The following TTN variants were observed in gnomAD, a reference collection of about 807,000 sequenced individuals.
TTN encodes titin, also known as connectin.
A neutral mutation model predicts 3,223.0 loss-of-function variants in TTN; 1,525 were observed. That is an observed-to-expected ratio of 0.47 (90% CI 0.45 to 0.49). TTN has a LOEUF of 0.49. Among genes scored for constraint, TTN ranks in the 20% least tolerant of loss-of-function variants. The pLI, the probability that TTN is intolerant of heterozygous loss-of-function variation, is 0.00. For synonymous variants in TTN, 14,094 were observed against 15,161.0 expected, an observed-to-expected ratio of 0.93 and a Z score of 5.17; for missense variants, 40,786 against 43,424.0, an observed-to-expected ratio of 0.94 and a Z score of 5.40.
At chr2:178,738,534 G>T (rs899938520) in intron 48 of TTN, among the ~76,000 whole-genome samples, 174 bp from the exon 49 acceptor site, 4 of 152,046 alleles carry the variant, frequency 2.6e-5, no homozygotes, top group Admixed American at 2.0e-4. Flanking sequence ...GAAGGCAAAA[G>T]AAGACAATAA....
rs753715289 is a variant in TTN at position 178,679,655 on chromosome 2, GGAAC to G, written c.33604_33607del (p.Val11202GlnfsTer141). On this transcript the variant is annotated frameshift_variant, in exon 141 of 363. Coordinates refer to ENST00000589042, the MANE Select transcript of TTN (RefSeq NM_001267550.2). LOFTEE classifies it high-confidence loss of function. ...AACAGGAACAGGTTTCTTCTCTTCT[GGAAC>G]AGGTTTCCTGGGTACCTCAGGCACT... 1.9e-6 allele frequency: 3 copies of G among 1,610,914 alleles called. No individual in the cohort carries two copies. The South Asian group carries it at 3.3e-5, about 18-fold the overall frequency.
chr2:178,579,665 T>C lies in TTN; in HGVS notation c.67532A>G (p.Lys22511Arg), dbSNP rs368046394. Residue 22511 changes from lysine (K) to arginine (R), a missense_variant, in exon 319 of 363, where the codon AAA becomes AGA. Coordinates refer to ENST00000589042, the MANE Select transcript of TTN (RefSeq NM_001267550.2). ...ATATTCCTTCCCTTCAGTCAAATCT[T>C]TTGCAGAGTACTGTAGGCTTAAGGA... ...MKSLSLQYSAKDLTEGKEYTF... is the reference protein window; with the variant it reads ...MKSLSLQYSARDLTEGKEYTF... The C allele has an allele frequency of 1.9e-6, 3 of 1,613,354 alleles. No homozygotes were observed. The highest frequency in any genetic ancestry group is 2.5e-6 in the Non-Finnish European group (3 of 1,179,512).
intron 147 of TTN, among the ~76,000 whole-genome samples, chr2:178,676,745 A>G (rs560628473): frequency 3.9e-5 from 6 of 152,014 alleles, no homozygotes; most frequent in African/African-American, 1.4e-4. Context: ...ATATATATGT[A>G]TTAGAAGACA....
Position 178,534,150 on chromosome 2 carries a change from A to G in TTN, c.102465T>C (p.Tyr34155=), listed in dbSNP as rs1371416890. ...AVGEEGGHVK[Y]VCKIENYDQS... ...GATCATAATTTTCAATTTTGCATAC[A>G]TATTTGACATGTCCTCCTTCTTCAC... Residue 34155 remains tyrosine, a synonymous_variant, in exon 358 of 363, where the codon TAT becomes TAC. Transcript: ENST00000589042. 1.2e-6 allele frequency: 2 copies of G among 1,613,950 alleles called. No individual in the cohort carries two copies. Among genetic ancestry groups the G allele is most frequent in the East Asian group, 2.2e-5 (1 of 44,878 alleles).
chr2:178,726,213 A>G, intron 69 of TTN, 167 bp from the exon 70 acceptor site: 1 of 736,114 alleles, frequency 1.4e-6, no homozygotes, highest in Non-Finnish European at 2.0e-6. Context: ...ATTTGCCTTC[A>G]CAAGATAACC....
chr2:178,614,230 C>G lies in TTN; in HGVS notation c.49167G>C (p.Glu16389Asp). Residue 16389 changes from glutamate (E) to aspartate (D), a missense_variant, in exon 262 of 363, where the codon GAG becomes GAC. Glu to Asp is a conservative substitution (Grantham distance 45, BLOSUM62 2). Transcript: ENST00000589042. ...ACACTTCACTATCAGTTGCTCGTCTCTCCACAACATAGTTTGTGATCTTAG... is the reference window on the plus strand; with the variant it reads ...ACACTTCACTATCAGTTGCTCGTCTGTCCACAACATAGTTTGTGATCTTAG... ...GGSKITNYVV[E>D]RRATDSEVWH... The G allele has an allele frequency of 1.9e-6, 3 of 1,612,534 alleles. No individual in the cohort carries two copies. Among genetic ancestry groups the G allele is most frequent in the Non-Finnish European group, 2.5e-6 (3 of 1,179,256 alleles).
At position 178,727,832 on chromosome 2, in the gene TTN, T is replaced by C; in HGVS notation, c.19746A>G (p.Arg6582=). The part of the protein sequence containing the change: ...EPPSFLVKPG[R]QQAIPDSTVE... Reference sequence around the variant, plus strand: ...CTGTAGAATCAGGTATGGCTTGCTGTCGCCCAGGTTTCACTAGGAAGCTTG... The same window carrying C: ...CTGTAGAATCAGGTATGGCTTGCTGCCGCCCAGGTTTCACTAGGAAGCTTG... Residue 6582 remains arginine, a synonymous_variant, in exon 68 of 363, where the codon CGA becomes CGG. Transcript: ENST00000589042. The C allele has an allele frequency of 6.2e-7, 1 of 1,600,494 alleles. No individual in the cohort carries two copies. Among genetic ancestry groups the C allele is most frequent in the African/African-American group, 1.3e-5 (1 of 74,518 alleles).
chr2:178,537,591 A>C lies in TTN; in HGVS notation c.99616T>G (p.Tyr33206Asp). 1.2e-6 allele frequency: 2 copies of C among 1,613,646 alleles called. No individual in the cohort carries two copies. Among genetic ancestry groups the C allele is most frequent in the Non-Finnish European group, 1.7e-6 (2 of 1,179,682 alleles). Residue 33206 changes from tyrosine to aspartate, a missense_variant, in exon 355 of 363, where the codon TAT (tyrosine) becomes GAT (aspartate). Coordinates refer to ENST00000589042, the MANE Select transcript of TTN (RefSeq NM_001267550.2). ...FHPGYPLKEK[Y>D]YGAVGSTLRL... Reference sequence around the variant, plus strand: ...AGTGTGGAACCCACAGCTCCATAATATTTCTCTTTCAGTGGGTAACCAGGA... The same window carrying C: ...AGTGTGGAACCCACAGCTCCATAATCTTTCTCTTTCAGTGGGTAACCAGGA...
At chr2:178,796,716 G>A (rs1004192043) in intron 6 of TTN, among the ~76,000 whole-genome samples, 1 of 152,106 alleles carries the variant, frequency 6.6e-6, no homozygotes, top group South Asian at 2.1e-4. Context: ...TAGTAAATGG[G>A]TTTAATTCAA....
chr2:178,792,102 A>C lies in TTN; in HGVS notation c.1632T>G (p.Thr544=), dbSNP rs2093537126. Residue 544 remains threonine, a synonymous_variant, in exon 10 of 363, where the codon ACT becomes ACG. Coordinates refer to ENST00000589042, the MANE Select transcript of TTN (RefSeq NM_001267550.2). The part of the protein sequence containing the change: ...EQETRISEEI[T]KKQKQVTQEA... ...CTTGAGTTACTTGTTTCTGTTTCTT[A>C]GTAATTTCTTCAGAAATTCTAGTTT... 7 of 1,612,626 alleles carry C rather than the reference A, an allele frequency of 4.3e-6. No individual in the cohort carries two copies. Among genetic ancestry groups the C allele is most frequent in the Non-Finnish European group, 5.1e-6 (6 of 1,179,296 alleles).
At position 178,701,154 on chromosome 2, in the gene TTN, G is replaced by T. The variant is rs765611174; in HGVS notation, c.30648C>A (p.Pro10216=). 9 of 1,613,544 alleles carry T rather than the reference G, an allele frequency of 5.6e-6. No individual in the cohort carries two copies. The change falls in exon 111 of 363, where the codon CCC becomes CCA. Residue 10216 remains proline, a synonymous_variant. Coordinates refer to ENST00000589042, the MANE Select transcript of TTN (RefSeq NM_001267550.2). ...APPIPLLLPT[P]EEKKPPPKRI... Reference sequence around the variant, plus strand: ...GTTTTGGTGGTGGTTTCTTTTCTTCGGGTGTTGGTAGCAAAAGGGGGATAG... The same window carrying T: ...GTTTTGGTGGTGGTTTCTTTTCTTCTGGTGTTGGTAGCAAAAGGGGGATAG...
In TTN at chr2:178,539,564, T is replaced by G. The variant is rs2154140011; in HGVS notation, c.98501A>C (p.Glu32834Ala). The change falls in exon 352 of 363, where the codon GAG becomes GCG. Residue 32834 changes from glutamate (E) to alanine (A), a missense_variant. Transcript: ENST00000589042. ...GGADILGYIL[E>A]RREVPKAAWY... Reference sequence around the variant, plus strand: ...GGCGGCTTTAGGCACTTCTCGTCTCTCGAGGATGTAGCCTAAGATGTCAGC... The same window carrying G: ...GGCGGCTTTAGGCACTTCTCGTCTCGCGAGGATGTAGCCTAAGATGTCAGC... The G allele has an allele frequency of 3.1e-6, 5 of 1,613,834 alleles. No individual in the cohort carries two copies. The Middle Eastern group carries it at 5.0e-4, about 160-fold the overall frequency.
Position 178,766,371 on chromosome 2 carries a change from C to A in TTN, c.9703+10G>T, listed in dbSNP as rs763994590. On this transcript the variant is annotated intron_variant, in intron 41 of 362. Coordinates refer to ENST00000589042, the MANE Select transcript of TTN (RefSeq NM_001267550.2). ...ATCCACAAAATATGCTGAAATCTGT[C>A]CCTACATACCATTGACATAGAGAGT... 6.3e-7 allele frequency: 1 copy of A among 1,585,994 alleles called. No individual in the cohort carries two copies. Among genetic ancestry groups the A allele is most frequent in the Non-Finnish European group, 8.7e-7 (1 of 1,154,380 alleles).
rs761377349 is a variant in TTN, at chr2:178,568,748, A to T, written c.77384T>A (p.Val25795Glu). ...TGCAGGTTTTACATCTGGCTCAATT[A>T]CCAGATCTTTGGCAACTATTGGAAC... ...LAVPIVAKDL[V>E]IEPDVKPAFS... The change falls in exon 326 of 363, where the codon GTA becomes GAA. Residue 25795 changes from valine to glutamate, a missense_variant. Transcript: ENST00000589042. 4 of 1,613,016 alleles carry T rather than the reference A, an allele frequency of 2.5e-6. No homozygotes were observed. The highest frequency in any genetic ancestry group is 8.5e-7 in the Non-Finnish European group (1 of 1,179,388).
rs745494874 is a variant in TTN at position 178,608,392 on chromosome 2, A to G, written c.52491T>C (p.Asn17497=). Residue 17497 remains asparagine (N), a synonymous_variant, in exon 275 of 363, where the codon AAT becomes AAC. Transcript: ENST00000589042. Reference sequence around the variant, plus strand: ...GCCAGTAACCCAAAATGGGGCTTCCATTATCTTTTGGTTCATTCCATTTCA... The same window carrying G: ...GCCAGTAACCCAAAATGGGGCTTCCGTTATCTTTTGGTTCATTCCATTTCA... ...MLVKWNEPKD[N]GSPILGYWLE... 7 of 1,610,706 alleles carry G rather than the reference A, an allele frequency of 4.3e-6. No individual in the cohort carries two copies. In the South Asian group the frequency reaches 6.6e-5, roughly 15 times the overall value.
intron 362 of TTN, 44 bp from the exon 363 acceptor site, chr2:178,527,351 A>G (rs1686881935): frequency 6.4e-7 from 1 of 1,563,572 alleles, no homozygotes; most frequent in Admixed American, 1.9e-5. Flanking sequence ...AATCACTGAA[A>G]AAAATAAAGA....
chr2:178,674,827 C>T (rs1168889626), intron 150 of TTN, among the ~76,000 whole-genome samples: 1 of 151,516 alleles, frequency 6.6e-6, no homozygotes, highest in African/African-American at 2.4e-5. Flanking sequence ...TAAAATAAAA[C>T]AAATAGCAAA....
chr2:178,604,235 T>C lies in TTN; in HGVS notation c.54452A>G (p.Asp18151Gly). 1 of 1,594,834 alleles carries C rather than the reference T, an allele frequency of 6.3e-7. No homozygotes were observed. Among genetic ancestry groups the C allele is most frequent in the Non-Finnish European group, 8.6e-7 (1 of 1,169,208 alleles). ...GACTACTTTATCTGATTTGCACTCA[T>C]CACTGATTCCATATTTATTCACTGC... The part of the protein sequence containing the change: ...VRAVNKYGIS[D>G]ECKSDKVVIQ... Residue 18151 changes from aspartate (D) to glycine (G), a missense_variant, in exon 282 of 363, where the codon GAT becomes GGT. Transcript: ENST00000589042.
At chr2:178,616,450 G>C in intron 257 of TTN, 29 bp downstream of exon 257, 6 of 1,602,718 alleles carry the variant, frequency 3.7e-6, no homozygotes, top group Non-Finnish European at 5.1e-6. Flanking sequence ...CTCATTTTTG[G>C]CATTGATGCA....
Sources: allele counts gnomAD v4.1 joint callset (sites outside exome capture counted in the v4.1 genomes callset), GRCh38; gene constraint gnomAD v4.1.1; transcripts MANE v1.5; gene names NCBI Gene and HGNC (gene_info 2026-07-23, HGNC 2026-07-21).